Variants in KIF1A observed in about 807,000 individuals in gnomAD.
KIF1A encodes the protein kinesin family member 1A, also known as kinesin-like protein KIF1A.
KIF1A carries 46 observed loss-of-function variants against 227.3 expected under a neutral mutation model. The ratio of observed to expected loss-of-function variants is 0.20; its 90% confidence interval spans 0.16 to 0.26. The LOEUF (loss-of-function observed/expected upper bound fraction) is 0.26, where lower values mean the gene tolerates loss of function less well. Ranked by LOEUF, KIF1A falls within the 10% of genes least tolerant of loss-of-function variation. The pLI is 1.00. For synonymous variants in KIF1A, 1,022 were observed against 1,012.8 expected (o/e 1.01, Z -0.17); for missense variants, 1,683 against 2,485.9 (o/e 0.68, Z 6.87).
At chr2:240,727,432 G>A (rs536098802) in intron 38 of KIF1A, among the ~76,000 whole-genome samples, 44 of 152,222 alleles carry the variant, frequency 2.9e-4, no homozygotes, top group African/African-American at 9.9e-4. Context: ...GTAAGGAGGC[G>A]CCACCATCTC....
At chr2:240,738,969 T>C (rs2047661901) in intron 37 of KIF1A, among the ~76,000 whole-genome samples, 1 of 152,272 alleles carries the variant, frequency 6.6e-6, no homozygotes, top group Admixed American at 6.5e-5. Context: ...TTTGCTTACG[T>C]TCTGCCTATA....
At chr2:240,821,248 T>C (rs2058686537), upstream of KIF1A, among the ~76,000 whole-genome samples, 1 of 152,236 alleles carries the variant, frequency 6.6e-6, no homozygotes. Flanking sequence ...GTCGCCTGGC[T>C]AAGCCTCCCT....
chr2:240,737,471 G>A (rs923697552), intron 37 of KIF1A: 3 of 189,594 alleles, frequency 1.6e-5, no homozygotes, highest in African/African-American at 7.1e-5. Flanking sequence ...CTGACTGCTG[G>A]AAAAGGAAGG....
At chr2:240,742,813 T>A in intron 34 of KIF1A, 116 bp downstream of exon 34, 1 of 955,292 alleles carries the variant, frequency 1.0e-6, no homozygotes. Flanking sequence ...CCAGAGTGCC[T>A]GGGAGGGCAC....
At chr2:240,772,628 G>T in intron 13 of KIF1A, 32 bp from the exon 14 acceptor site, 1 of 1,515,796 alleles carries the variant, frequency 6.6e-7, no homozygotes, top group Non-Finnish European at 9.0e-7. Flanking sequence ...GGGAGGGGGA[G>T]AGACAGAGAA....
Position 240,739,610 on chromosome 2 carries a change from G to GA in KIF1A, c.3901+447dup, listed in dbSNP as rs1029442034. 1.4e-4 allele frequency among the ~76,000 whole-genome samples: 22 copies of GA among 152,190 alleles called. No individual in the cohort carries two copies. The highest frequency in any genetic ancestry group is 5.3e-4 in the African/African-American group (22 of 41,446). On this transcript the variant is annotated intron_variant, in intron 37 of 48. Transcript: ENST00000498729. This position sits in a 1 kb window ranked among gnomAD's most constrained non-coding sequence, Gnocchi z 5.6. Reference sequence around the variant, plus strand: ...AAGACACAGGACAGGAGAAGCCTGCGAAAATGCAGTGATGCGTCTGCAGGC... The same window carrying GA: ...AAGACACAGGACAGGAGAAGCCTGCGAAAAATGCAGTGATGCGTCTGCAGGC...
At chr2:240,807,766 C>T (rs946309834) in intron 1 of KIF1A, among the ~76,000 whole-genome samples, 2 of 151,788 alleles carry the variant, frequency 1.3e-5, no homozygotes, top group African/African-American at 4.8e-5. Context: ...AACATAGGTA[C>T]AAAAGTCTGA....
At position 240,717,262 on chromosome 2, in the gene KIF1A, G is replaced by A. The variant is rs1251577310; in HGVS notation, c.*102C>T. 6.8e-6 allele frequency: 8 copies of A among 1,184,706 alleles called. No homozygotes were observed. The highest frequency in any genetic ancestry group is 8.6e-6 in the Non-Finnish European group (7 of 810,534). 73.4% of individuals were successfully genotyped at this position (1,184,706 alleles called of 1,614,324 possible). ...TCCCCTGGGGGGTCGACCCGGTCGTGGGCTGTCTGGCAGGAGAGGGGCTGG... is the reference window on the plus strand; with the variant it reads ...TCCCCTGGGGGGTCGACCCGGTCGTAGGCTGTCTGGCAGGAGAGGGGCTGG... On this transcript the variant is annotated 3_prime_UTR_variant, in exon 49 of 49. Transcript: ENST00000498729.
intron 19 of KIF1A, 29 bp from the exon 20 acceptor site, chr2:240,765,822 G>A (rs1263655998): frequency 6.5e-7 from 1 of 1,544,244 alleles, no homozygotes; most frequent in Non-Finnish European, 8.9e-7. Context: ...GGGCAGAGAG[G>A]AGGACTATGA....
Position 240,741,221 on chromosome 2 carries a change from C to A in KIF1A, c.3749+48G>T, listed in dbSNP as rs536373510. 8 of 1,300,002 alleles carry A rather than the reference C, an allele frequency of 6.2e-6. No individual in the cohort carries two copies. In the African/African-American group the frequency reaches 8.8e-5, roughly 14 times the overall value. 80.5% of individuals were successfully genotyped at this position (1,300,002 alleles called of 1,614,324 possible). A position where few individuals can be genotyped will look rare whatever the true frequency, so the allele number is the denominator to read the frequency against. ...TCAAGTCCTCGTCCCTCTCCGCGCA[C>A]CCCCCGACACACACTCACGCCCTGG... is the stretch of plus-strand genomic sequence containing the variant. On this transcript the variant is annotated intron_variant, in intron 35 of 48. Coordinates refer to ENST00000498729, the MANE Select transcript of KIF1A (RefSeq NM_001244008.2).
chr2:240,724,373 C>T (rs1474166483), intron 40 of KIF1A: 2 of 383,134 alleles, frequency 5.2e-6, no homozygotes, highest in Non-Finnish European at 9.9e-6. Context: ...TCCACGGCGT[C>T]GAGAGCCCCT....
In KIF1A at chr2:240,815,277, G is replaced by A. The variant is rs1053062893; in HGVS notation, c.-61+4845C>T. ...CTGCACCATCCTGGCTTGAGCTGAT[G>A]ACAGATGGAGAAGGAAACTGAGGCC... On this transcript the variant is annotated intron_variant, in intron 1 of 48. Transcript: ENST00000498729. Among the ~76,000 whole-genome samples, 10 of 152,340 alleles carry A rather than the reference G, an allele frequency of 6.6e-5. No individual in the cohort carries two copies. The South Asian group carries it at 8.3e-4, about 13-fold the overall frequency.
At chr2:240,754,321 C>T (rs1258306612) in intron 27 of KIF1A, among the ~76,000 whole-genome samples, 4 of 151,554 alleles carry the variant, frequency 2.6e-5, no homozygotes, top group Non-Finnish European at 4.4e-5. Context: ...ACCGGTGGGA[C>T]ATGTGGATCT....
chr2:240,782,982 C>A (rs1255021195), intron 9 of KIF1A, 62 bp downstream of exon 9: 3 of 1,319,342 alleles, frequency 2.3e-6, no homozygotes, highest in Non-Finnish European at 3.3e-6. Context: ...GTGACAGGGG[C>A]AGGATGGGGC....
At chr2:240,781,431 CCACACACACA>C (rs1207804684) in intron 10 of KIF1A, among the ~76,000 whole-genome samples, 9 of 21,964 alleles carry the variant, frequency 4.1e-4, no homozygotes, top group African/African-American at 1.8e-3. Context: ...ACACACAGCT[CCACACACACA>C]CACACACACA....
At chr2:240,769,309 G>C (rs2051619147) in intron 16 of KIF1A, 101 bp from the exon 17 acceptor site, 1 of 1,038,862 alleles carries the variant, frequency 9.6e-7, no homozygotes, top group Non-Finnish European at 1.4e-6. Flanking sequence ...TGGCCACCGT[G>C]GCCTGGGTGG....
chr2:240,810,599 C>T (rs1033385649), intron 1 of KIF1A, among the ~76,000 whole-genome samples: 1 of 152,196 alleles, frequency 6.6e-6, no homozygotes, highest in Non-Finnish European at 1.5e-5. Context: ...CACCCAAATG[C>T]AGAATGACTT....
Position 240,747,338 on chromosome 2 carries a change from G to A in KIF1A, c.2978-17C>T, listed in dbSNP as rs758624319. 2.5e-6 allele frequency: 4 copies of A among 1,606,650 alleles called. No homozygotes were observed. In the African/African-American group the frequency reaches 5.4e-5, roughly 21 times the overall value. ...CTTCATCGGCTGCAGGAGAAACAGA[G>A]CAAATGGTTGGAGCCCAGCTTGTCC... On this transcript the variant is annotated splice_polypyrimidine_tract_variant and intron_variant, in intron 28 of 48. Coordinates refer to ENST00000498729, the MANE Select transcript of KIF1A (RefSeq NM_001244008.2).
intron 46 of KIF1A, 57 bp from the exon 47 acceptor site, chr2:240,719,255 G>C: frequency 6.5e-7 from 1 of 1,545,604 alleles, no homozygotes; most frequent in Non-Finnish European, 8.8e-7. Flanking sequence ...GACTGACTCG[G>C]GCACTCACCA....
Sources: gnomAD v4.1 joint callset for allele counts (sites outside exome capture counted in the v4.1 genomes callset) on GRCh38, gnomAD v4.1.1 for gene constraint, Gnocchi (gnomAD v3.1) non-coding constraint, MANE v1.5 for transcripts, NCBI Gene and HGNC (gene_info 2026-07-23, HGNC 2026-07-21) for gene names.